Variants in NIPSNAP3B observed in about 807,000 individuals in gnomAD.
NIPSNAP3B encodes the protein nipsnap homolog 3B.
A neutral mutation model predicts 31.5 loss-of-function variants in NIPSNAP3B; 30 were observed. That is an observed-to-expected ratio of 0.95 (90% CI 0.71 to 1.29). The LOEUF is 1.29. Among genes scored for constraint, NIPSNAP3B ranks in the 50% most tolerant of loss-of-function variants. The probability of loss-of-function intolerance (pLI) is 0.00; values close to 1 mark genes in which losing one functional copy is unlikely to be tolerated. For synonymous variants in NIPSNAP3B, 106 were observed against 107.9 expected, an observed-to-expected ratio of 0.98 and a Z score of 0.11; for missense variants, 269 against 300.7, an observed-to-expected ratio of 0.89 and a Z score of 0.78.
the NIPSNAP3B span, chr9:104,784,385 T>C: frequency 1.9e-6 from 3 of 1,614,172 alleles, no homozygotes; most frequent in Non-Finnish European, 2.5e-6. Context: ...CACTACTGTC[T>C]GGTTTTTGTG....
rs150502356 is a variant in NIPSNAP3B, at chr9:104,764,258, C to T, written c.18C>T (p.Ser6=). The T allele has an allele frequency of 4.7e-4, 752 of 1,600,832 alleles. 1 individual carries two copies. Among genetic ancestry groups the T allele is most frequent in the Non-Finnish European group, 6.0e-4 (701 of 1,175,534 alleles). Residue 6 remains serine, a synonymous_variant, in exon 1 of 6, where the codon AGC becomes AGT. Transcript: ENST00000374762. MLVLR[S]GLTKALASRT... is the part of the protein sequence containing the mutation. The stretch of plus-strand genomic sequence containing the variant: ...GCCGCGCCATGCTCGTTCTCAGAAG[C>T]GGCCTGACCAAGGCGCTTGCCTCAC...
the NIPSNAP3B span, chr9:104,788,647 A>G: frequency 1.3e-6 from 2 of 1,515,112 alleles, no homozygotes; most frequent in Non-Finnish European, 1.8e-6. Context: ...ATGTTCCTGT[A>G]AAGTATGCTT....
chr9:104,764,412 G>A, intron 1 of NIPSNAP3B, 112 bp downstream of exon 1: 2 of 898,648 alleles, frequency 2.2e-6, no homozygotes, highest in Non-Finnish European at 3.2e-6. Context: ...GGGGCCCCGC[G>A]CCGCCGCCGA....
Position 104,775,674 on chromosome 9 carries a change from C to T in NIPSNAP3B, c.*2601C>T, listed in dbSNP as rs1828320925. Among the ~76,000 whole-genome samples the T allele has an allele frequency of 6.6e-6, 1 of 152,076 alleles. No individual in the cohort carries two copies. Among genetic ancestry groups the T allele is most frequent in the African/African-American group, 2.4e-5 (1 of 41,392 alleles). On this transcript the variant is annotated 3_prime_UTR_variant, in exon 6 of 6. Transcript: ENST00000374762. ...AGGCTCATCACATCCAGGTGTGTTC[C>T]CCACACCTCCACCTGAATGTCTATT...
Position 104,777,630 on chromosome 9 carries a change from G to C in NIPSNAP3B, c.*4557G>C, listed in dbSNP as rs1828364384. On this transcript the variant is annotated 3_prime_UTR_variant, in exon 6 of 6. Transcript: ENST00000374762. Reference sequence around the variant, plus strand: ...ATGAACCACCCAGAGTGTGTACAAGGCTCCTGCCAGAAGAAATGCCTGTAG... The same window carrying C: ...ATGAACCACCCAGAGTGTGTACAAGCCTCCTGCCAGAAGAAATGCCTGTAG... 6.6e-6 allele frequency among the ~76,000 whole-genome samples: 1 copy of C among 152,206 alleles called. No homozygotes were observed. The highest frequency in any genetic ancestry group is 1.5e-5 in the Non-Finnish European group (1 of 68,038).
the NIPSNAP3B span, among the ~76,000 whole-genome samples, chr9:104,786,037 T>C: frequency 2.8e-4 from 43 of 152,320 alleles, no homozygotes; most frequent in Admixed American, 7.8e-4. Flanking sequence ...ATTTCATCTA[T>C]AGCACAAAGC....
the NIPSNAP3B span, chr9:104,787,941 G>A: frequency 0.029 from 46,189 of 1,613,948 alleles, 2,397 homozygotes; most frequent in African/African-American, 0.23. Context: ...CAGGAGGCCC[G>A]CCGATCAAAG....
chr9:104,785,358 C>A, the NIPSNAP3B span: 73 of 1,612,598 alleles, frequency 4.5e-5, no homozygotes, highest in Admixed American at 1.5e-4. Context: ...GGAATCCACA[C>A]CCTGAGAAGT....
In NIPSNAP3B at chr9:104,776,274, G is replaced by A. The variant is rs2118810829; in HGVS notation, c.*3201G>A. ...AATGCTCTTCCCCAGACATGCATCT[G>A]CGTGGATCATTTCCATGCCTCCTCA... On this transcript the variant is annotated 3_prime_UTR_variant, in exon 6 of 6. Transcript: ENST00000374762. Among the ~76,000 whole-genome samples the A allele has an allele frequency of 6.6e-6, 1 of 152,224 alleles. No individual in the cohort carries two copies. Among genetic ancestry groups the A allele is most frequent in the Middle Eastern group, 3.4e-3 (1 of 292 alleles).
At chr9:104,767,338 T>G (rs1354247151) in intron 2 of NIPSNAP3B, among the ~76,000 whole-genome samples, 2 of 152,266 alleles carry the variant, frequency 1.3e-5, no homozygotes, top group East Asian at 1.9e-4. Context: ...ATATTGAAGC[T>G]GACCTACCCC....
At position 104,777,716 on chromosome 9, in the gene NIPSNAP3B, A is replaced by G. The variant is rs187954178; in HGVS notation, c.*4643A>G. Among the ~76,000 whole-genome samples, 1,914 of 152,358 alleles carry G rather than the reference A, an allele frequency of 0.013. 35 individuals are homozygous for G. The highest frequency in any genetic ancestry group is 0.044 in the African/African-American group (1,822 of 41,580). On this transcript the variant is annotated 3_prime_UTR_variant, in exon 6 of 6. Transcript: ENST00000374762. ...GCACGATGATGCCCAGGTGCAGCCT[A>G]TATTATTAACAGACAAGGAAAGAAT...
At chr9:104,784,485 A>C in the NIPSNAP3B span, 1 of 1,613,712 alleles carries the variant, frequency 6.2e-7, no homozygotes, top group Non-Finnish European at 8.5e-7. Context: ...GACCTTTATA[A>C]ATACCACTCA....
intron 1 of NIPSNAP3B, 141 bp from the exon 2 acceptor site, chr9:104,766,184 G>T: frequency 3.2e-6 from 2 of 632,982 alleles, no homozygotes; most frequent in Non-Finnish European, 2.8e-6. Context: ...ATGTAAACAA[G>T]TGTATATGGA....
At chr9:104,788,561 T>C in the NIPSNAP3B span, 1 of 1,614,170 alleles carries the variant, frequency 6.2e-7, no homozygotes, top group East Asian at 2.2e-5. Flanking sequence ...GGATGTTTGA[T>C]AAGATACTGC....
At chr9:104,772,709 T>C (rs1828250090) in intron 4 of NIPSNAP3B, 113 bp from the exon 5 acceptor site, 1 of 1,292,668 alleles carries the variant, frequency 7.7e-7, no homozygotes, top group Non-Finnish European at 1.1e-6. Flanking sequence ...TATTTAGTTT[T>C]ACCTTTTGAT....
chr9:104,786,859 A>G, the NIPSNAP3B span: 1 of 1,606,246 alleles, frequency 6.2e-7, no homozygotes, highest in South Asian at 1.1e-5. Flanking sequence ...GGAACCCAAG[A>G]CTTTACTACG....
At chr9:104,783,578 G>A in the NIPSNAP3B span, 1 of 152,254 alleles carries the variant, frequency 6.6e-6, no homozygotes, top group East Asian at 1.9e-4. Context: ...CCCATGGCTC[G>A]AAGCATAGGA....
At chr9:104,766,788 A>G (rs1828099032) in intron 2 of NIPSNAP3B, among the ~76,000 whole-genome samples, 1 of 152,176 alleles carries the variant, frequency 6.6e-6, no homozygotes, top group Admixed American at 6.5e-5. Flanking sequence ...TAAAATTGTG[A>G]ATTAGACTTT....
chr9:104,783,785 T>C, the NIPSNAP3B span: 1 of 164,558 alleles, frequency 6.1e-6, no homozygotes, highest in South Asian at 1.6e-4. Context: ...TGACACACCA[T>C]GGTGCTTCAA....
Sources: allele counts gnomAD v4.1 joint callset (sites outside exome capture counted in the v4.1 genomes callset), GRCh38; gene constraint gnomAD v4.1.1; transcripts MANE v1.5; gene names NCBI Gene and HGNC (gene_info 2026-07-23, HGNC 2026-07-21).